Variants in TENM1 observed in about 807,000 individuals in gnomAD.
The protein encoded by TENM1 is teneurin transmembrane protein 1, also known as teneurin-1.
Under a neutral mutation model 174.8 loss-of-function variants are expected in TENM1, and 35 were observed. That is an observed-to-expected ratio of 0.20 (90% confidence interval 0.15 to 0.27). TENM1 has a LOEUF of 0.27. Among genes scored for constraint, TENM1 ranks in the 10% least tolerant of loss-of-function variants. The probability of loss-of-function intolerance (pLI) is 1.00; values close to 1 mark genes in which losing one functional copy is unlikely to be tolerated. For missense variants in TENM1, 1,633 were observed against 2,130.1 expected (o/e 0.77, Z 4.59); for synonymous variants, 781 against 798.7 (o/e 0.98, Z 0.37).
At chrX:124,715,389 TAA>T (rs1175230547) in intron 4 of TENM1, among the ~76,000 whole-genome samples, 2 of 100,042 alleles carry the variant, frequency 2.0e-5, no homozygotes, top group Non-Finnish European at 4.1e-5. Context: ...TCCTAGGACT[TAA>T]AAAAAAAAAA....
At chrX:125,054,789 A>G in the TENM1 span, among the ~76,000 whole-genome samples, 5 of 111,518 alleles carry the variant, frequency 4.5e-5, no homozygotes, top group African/African-American at 1.6e-4. Context: ...AGACATGTGG[A>G]GGAGGCGAGG....
At chrX:124,944,321 C>G (rs1012437714) in intron 1 of TENM1, among the ~76,000 whole-genome samples, 1 of 110,919 alleles carries the variant, frequency 9.0e-6, no homozygotes, top group Non-Finnish European at 1.9e-5. Context: ...TGTAAGCCAC[C>G]CAACTACTAA....
chrX:125,032,885 A>G, the TENM1 span, among the ~76,000 whole-genome samples: 2 of 111,474 alleles, frequency 1.8e-5, no homozygotes, highest in Non-Finnish European at 3.8e-5. Flanking sequence ...TTATTCTCCC[A>G]TTGTCATGTT....
intron 18 of TENM1, among the ~76,000 whole-genome samples, chrX:124,519,662 G>C (rs1323734226): frequency 9.0e-6 from 1 of 111,005 alleles, no homozygotes; most frequent in Admixed American, 9.5e-5. Context: ...AGAAACCTTA[G>C]GAAGGTTTCT....
the TENM1 span, among the ~76,000 whole-genome samples, chrX:125,092,626 G>A: frequency 9.0e-6 from 1 of 111,641 alleles, no homozygotes; most frequent in African/African-American, 3.3e-5. Context: ...GAGTAAAGTA[G>A]GAATTTGTGA....
At chrX:124,854,954 C>T (rs962364363) in intron 3 of TENM1, among the ~76,000 whole-genome samples, 7 of 111,514 alleles carry the variant, frequency 6.3e-5, no homozygotes, top group South Asian at 3.7e-4. Context: ...TTATCTTTTT[C>T]GCAAATGGAC....
At chrX:124,856,846 T>C (rs191277024) in intron 3 of TENM1, among the ~76,000 whole-genome samples, 11 of 111,134 alleles carry the variant, frequency 9.9e-5, no homozygotes, top group African/African-American at 3.6e-4. Context: ...GTATGGGTCA[T>C]GTAATGTACA....
At chrX:124,755,219 A>C (rs2054198488) in intron 3 of TENM1, among the ~76,000 whole-genome samples, 1 of 108,500 alleles carries the variant, frequency 9.2e-6, no homozygotes, top group African/African-American at 3.5e-5. Context: ...TTCTTGTTGA[A>C]TTGATCCCTT....
chrX:124,518,262 A>T (rs1269672918), intron 18 of TENM1, among the ~76,000 whole-genome samples: 1 of 108,625 alleles, frequency 9.2e-6, no homozygotes, highest in Non-Finnish European at 1.9e-5. Flanking sequence ...CTCTTTCTAC[A>T]GTCTCTAGAT....
chrX:125,168,914 T>A, the TENM1 span, among the ~76,000 whole-genome samples: 7 of 110,919 alleles, frequency 6.3e-5, no homozygotes, highest in Admixed American at 1.9e-4. Context: ...AAATAATAAA[T>A]TGGTGTCATT....
chrX:124,480,712 T>C, intron 22 of TENM1, among the ~76,000 whole-genome samples: 1 of 112,155 alleles, frequency 8.9e-6, no homozygotes, highest in Non-Finnish European at 1.9e-5. Flanking sequence ...AACAAATGTT[T>C]GTATTATTTG....
chrX:124,764,122 GTC>G (rs1365457250), intron 3 of TENM1, among the ~76,000 whole-genome samples: 1 of 111,839 alleles, frequency 8.9e-6, no homozygotes, highest in African/African-American at 3.2e-5. Flanking sequence ...AAGACCTCAG[GTC>G]CTCAAAGGAC....
At chrX:124,566,114 A>G (rs971833455) in intron 11 of TENM1, among the ~76,000 whole-genome samples, 7 of 111,771 alleles carry the variant, frequency 6.3e-5, no homozygotes, top group African/African-American at 2.3e-4. Context: ...AATCCCAATA[A>G]AACAGTGCCC....
At chrX:125,010,250 C>A in the TENM1 span, among the ~76,000 whole-genome samples, 13,875 of 109,688 alleles carry the variant, frequency 0.13, 724 homozygotes, top group South Asian at 0.21. Flanking sequence ...AGCAGAGAGC[C>A]AAATCATGAG....
rs755261816 is a variant in TENM1, at chrX:124,384,766, G to A, written c.6165C>T (p.Val2055=). 12 of 1,211,186 alleles carry A rather than the reference G, an allele frequency of 9.9e-6. No individual in the cohort carries two copies. In the South Asian group the frequency reaches 1.9e-4, roughly 19 times the overall value. The change falls in exon 30 of 32, where the codon GTC becomes GTT. Residue 2055 remains valine, a synonymous_variant. Transcript: ENST00000422452. The stretch of plus-strand genomic sequence containing the variant: ...CATTGATTACAGCTTGCATGCTTGT[G>A]ACTCGGAAATTGTTGTAGCTGTAGT...
At chrX:124,736,830 TG>T in intron 4 of TENM1, 126 bp downstream of exon 7, 1 of 909,500 alleles carries the variant, frequency 1.1e-6, no homozygotes, top group Non-Finnish European at 1.5e-6. Flanking sequence ...CCCATGCATC[TG>T]GGTGTGTATC....
intron 5 of TENM1, among the ~76,000 whole-genome samples, chrX:124,676,255 A>AAAAT (rs1273561894): frequency 1.6e-5 from 1 of 61,004 alleles, no homozygotes; most frequent in Non-Finnish European, 3.0e-5. Context: ...AGACATATAT[A>AAAAT]AAATATATAT....
At chrX:125,129,250 T>C in the TENM1 span, among the ~76,000 whole-genome samples, 1 of 112,166 alleles carries the variant, frequency 8.9e-6, no homozygotes, top group African/African-American at 3.2e-5. Flanking sequence ...TATTTTGTTA[T>C]GGCAACCTGA....
intron 11 of TENM1, among the ~76,000 whole-genome samples, chrX:124,577,708 AG>A (rs1283643696): frequency 4.5e-5 from 5 of 111,517 alleles, no homozygotes; most frequent in Admixed American, 9.5e-5. Flanking sequence ...TCGACATTCT[AG>A]TGAGGTTACA....
Sources: gnomAD v4.1 joint callset for allele counts (sites outside exome capture counted in the v4.1 genomes callset) on GRCh38, gnomAD v4.1.1 for gene constraint, MANE v1.5 for transcripts, NCBI Gene and HGNC (gene_info 2026-07-23, HGNC 2026-07-21) for gene names.